ZNFX1: variants seen among roughly 807,000 people sequenced by gnomAD.
ZNFX1 encodes the protein NFX1-type zinc finger-containing protein 1.
ZNFX1 carries 78 observed loss-of-function variants against 179.8 expected under a neutral mutation model. That is an observed-to-expected ratio of 0.43 (90% CI 0.36 to 0.52). ZNFX1 has a LOEUF of 0.52. ZNFX1 is among the 20% of genes least tolerant of loss of function. ZNFX1 has a pLI of 0.00. For synonymous variants in ZNFX1, 848 were observed against 868.5 expected, an observed-to-expected ratio of 0.98 and a Z score of 0.42; for missense variants, 1,927 against 2,386.6, an observed-to-expected ratio of 0.81 and a Z score of 4.01.
chr20:49,267,398 C>G (rs1009746604), intron 3 of ZNFX1, among the ~76,000 whole-genome samples: 1 of 151,886 alleles, frequency 6.6e-6, no homozygotes, highest in African/African-American at 2.4e-5. Flanking sequence ...CACCTGTTTT[C>G]AAGGGATCCT....
chr20:49,275,864 C>G lies in ZNFX1; in HGVS notation c.-25G>C. On this transcript the variant is annotated 5_prime_UTR_variant, in exon 2 of 14. Coordinates refer to ENST00000396105, the MANE Select transcript of ZNFX1 (RefSeq NM_021035.3). ...TGTCTGAGTCACCTGAATTCCTTCA[C>G]GTTACTTTCTGTTATCTGGAAAACT... is the stretch of plus-strand genomic sequence containing the variant. The G allele has an allele frequency of 6.2e-7, 1 of 1,613,372 alleles. No homozygotes were observed. The highest frequency in any genetic ancestry group is 1.1e-5 in the South Asian group (1 of 91,050).
rs149436860 is a variant in ZNFX1 at position 49,248,335 on chromosome 20, C to G, written c.4689G>C (p.Arg1563=). ...LCGEPCPKKC[R]ICHMDEVTQI... ...GGGTGACCTCATCCATGTGGCAGATCCGGCATTTCTTGGGGCATGGCTCCC... is the reference window on the plus strand; with the variant it reads ...GGGTGACCTCATCCATGTGGCAGATGCGGCATTTCTTGGGGCATGGCTCCC... Residue 1563 remains arginine (R), a synonymous_variant, in exon 14 of 14, where the codon CGG becomes CGC. Transcript: ENST00000396105. The surrounding 1 kb of genome is among the most constrained non-coding windows in gnomAD (Gnocchi z 4.6). 6.9e-4 allele frequency: 1,108 copies of G among 1,614,050 alleles called. 11 individuals carry two copies. The highest frequency in any genetic ancestry group is 6.7e-3 in the South Asian group (606 of 91,064).
rs1202472809 is a variant in ZNFX1, at chr20:49,248,153, A to G, written c.4871T>C (p.Val1624Ala). The change falls in exon 14 of 14, where the codon GTG becomes GCG. Residue 1624 changes from valine (V) to alanine (A), a missense_variant. By Grantham distance (64) the Val-to-Ala change is moderately conservative (BLOSUM62 0). Transcript: ENST00000396105. This position sits in a 1 kb window ranked among gnomAD's most constrained non-coding sequence, Gnocchi z 4.6. The part of the protein sequence containing the change: ...IRLKVCPICQ[V>A]PIRKNLRYGT... ...ATACCTCAGGTTTTTGCGGATGGGC[A>G]CCTGGCAGATAGGGCAGACTTTCAA... 1 of 1,614,092 alleles carries G rather than the reference A, an allele frequency of 6.2e-7. No individual in the cohort carries two copies. Among genetic ancestry groups the G allele is most frequent in the African/African-American group, 1.3e-5 (1 of 75,008 alleles).
Position 49,266,285 on chromosome 20 carries a change from G to T in ZNFX1, c.1871-19C>A. On this transcript the variant is annotated intron_variant, in intron 3 of 13. Transcript: ENST00000396105. ...GTTTTGCCTAGAAAATAAGGAAAAA[G>T]GAATTTAACAATTTAGACATTTTCT... The T allele has an allele frequency of 6.4e-7, 1 of 1,565,518 alleles. No individual in the cohort carries two copies. The highest frequency in any genetic ancestry group is 1.2e-5 in the South Asian group (1 of 83,258).
chr20:49,266,327 C>T, intron 3 of ZNFX1, 61 bp from the exon 4 acceptor site: 13 of 1,471,898 alleles, frequency 8.8e-6, no homozygotes, highest in Non-Finnish European at 5.5e-6. Flanking sequence ...AGTAATTACT[C>T]AGAGCAAAAT....
chr20:49,250,500 GAC>G (rs1280816415), intron 13 of ZNFX1, among the ~76,000 whole-genome samples: 1 of 152,140 alleles, frequency 6.6e-6, no homozygotes, highest in Non-Finnish European at 1.5e-5. Context: ...TAAAAAAAGA[GAC>G]AGTCTTGCTA....
intron 6 of ZNFX1, among the ~76,000 whole-genome samples, chr20:49,261,922 A>G (rs922148152): frequency 6.6e-6 from 1 of 151,764 alleles, no homozygotes; most frequent in Admixed American, 6.6e-5. Context: ...CTGGGATTAC[A>G]GGCGTGAGCC....
intron 11 of ZNFX1, among the ~76,000 whole-genome samples, chr20:49,253,279 G>C (rs1165492817): frequency 1.3e-5 from 2 of 152,156 alleles, no homozygotes; most frequent in Non-Finnish European, 2.9e-5. Context: ...CACCACTGGA[G>C]GGTTTTCAGC....
Position 49,249,244 on chromosome 20 carries a change from G to A in ZNFX1, c.3780C>T (p.Leu1260=), listed in dbSNP as rs1980769913. The A allele has an allele frequency of 6.2e-7, 1 of 1,614,236 alleles. No homozygotes were observed. The highest frequency in any genetic ancestry group is 1.1e-5 in the South Asian group (1 of 91,082). Residue 1260 remains leucine, a synonymous_variant, in exon 14 of 14, where the codon CTC becomes CTT. Transcript: ENST00000396105. ...LRENNQIGPM[L]RLCCQNHPET... is the part of the protein sequence containing the mutation. ...CAGGGTGGTTCTGGCAGCAGAGCCG[G>A]AGCATGGGGCCTATTTGATTGTTCT...
Position 49,270,376 on chromosome 20 carries a change from C to T in ZNFX1, c.1436G>A (p.Arg479Gln), listed in dbSNP as rs770833497. Residue 479 changes from arginine (R) to glutamine (Q), a missense_variant, in exon 3 of 14, where the codon CGA becomes CAA. Transcript: ENST00000396105. This position sits in a 1 kb window ranked among gnomAD's most constrained non-coding sequence, Gnocchi z 4.6. Reference sequence around the variant, plus strand: ...ATTGAAGCAGAGCTGGACAATTCCTCGGCAGAGATCTTCCTGCTCCCTGTT... The same window carrying T: ...ATTGAAGCAGAGCTGGACAATTCCTTGGCAGAGATCTTCCTGCTCCCTGTT... ...VSNREQEDLC[R>Q]GIVQLCFNEQ... 10 of 1,614,082 alleles carry T rather than the reference C, an allele frequency of 6.2e-6. No individual in the cohort carries two copies. In the Admixed American group the frequency reaches 1.0e-4, roughly 16 times the overall value.
At chr20:49,264,585 G>T in intron 5 of ZNFX1, 131 bp downstream of exon 5, 1 of 1,157,274 alleles carries the variant, frequency 8.6e-7, no homozygotes, top group Non-Finnish European at 1.2e-6. Context: ...ATAGAATGCT[G>T]AAAGGAACCT....
chr20:49,263,540 G>C, intron 5 of ZNFX1, 57 bp from the exon 6 acceptor site: 3 of 1,544,486 alleles, frequency 1.9e-6, no homozygotes, highest in Admixed American at 2.0e-5. Context: ...CCCAAACTCA[G>C]TCCTCACCTT....
At chr20:49,264,654 C>T in intron 5 of ZNFX1, 62 bp downstream of exon 5, 1 of 1,581,976 alleles carries the variant, frequency 6.3e-7, no homozygotes. Context: ...ACCCAGAAAG[C>T]CACTGCTATC....
Position 49,249,505 on chromosome 20 carries a change from G to T in ZNFX1, c.3519C>A (p.Ala1173=). ...GGACCCTGACGCCAGCAAATGTCTT[G>T]GCAGGCATCAGTTTGCGCAGGCAGA... is the stretch of plus-strand genomic sequence containing the variant. ...QLFCLRKLMP[A]KTFAGVRVHV... Residue 1173 remains alanine, a synonymous_variant, in exon 14 of 14, where the codon GCC becomes GCA. Transcript: ENST00000396105. The T allele has an allele frequency of 2.5e-6, 4 of 1,614,232 alleles. No individual in the cohort carries two copies. The highest frequency in any genetic ancestry group is 3.4e-6 in the Non-Finnish European group (4 of 1,180,040).
intron 2 of ZNFX1, among the ~76,000 whole-genome samples, chr20:49,274,184 GGCT>G (rs1463073298): frequency 2.6e-5 from 4 of 152,156 alleles, no homozygotes; most frequent in Non-Finnish European, 5.9e-5. Context: ...AGCCACATGT[GGCT>G]GCTATGTTTG....
At chr20:49,253,323 A>T (rs560234940) in intron 11 of ZNFX1, among the ~76,000 whole-genome samples, 9 of 150,522 alleles carry the variant, frequency 6.0e-5, no homozygotes, top group South Asian at 4.2e-4. Context: ...CCTTTTTTTT[A>T]AAAAAATTCA....
At position 49,257,433 on chromosome 20, in the gene ZNFX1, G is replaced by A; in HGVS notation, c.2648C>T (p.Ala883Val). ...TGAGTTTACCTGCCACTCTCCTGTGGCTTGCTCCTGTCCAGCTGCTGTCCC... is the reference window on the plus strand; with the variant it reads ...TGAGTTTACCTGCCACTCTCCTGTGACTTGCTCCTGTCCAGCTGCTGTCCC... ...GTGTAAGQEQ[A>V]TGEWQTQRNQ... The change falls in exon 8 of 14, where the codon GCC becomes GTC. Residue 883 changes from alanine to valine, a missense_variant. Physicochemically the swap from Ala to Val is moderately conservative, Grantham distance 64 (BLOSUM62 0). Coordinates refer to ENST00000396105, the MANE Select transcript of ZNFX1 (RefSeq NM_021035.3). 1 of 1,614,100 alleles carries A rather than the reference G, an allele frequency of 6.2e-7. No individual in the cohort carries two copies. The highest frequency in any genetic ancestry group is 1.1e-5 in the South Asian group (1 of 91,082).
Position 49,257,663 on chromosome 20 carries a change from G to A in ZNFX1, c.2418C>T (p.Ala806=), listed in dbSNP as rs377371223. The A allele has an allele frequency of 1.2e-6, 2 of 1,612,940 alleles. No homozygotes were observed. The highest frequency in any genetic ancestry group is 1.3e-5 in the African/African-American group (1 of 74,688). ...CTTCCTCCTCATCCCCTTCTGCCTG[G>A]GCTAAGAGAGAGAAACAGGCAGGAG... ...SVSPAGPENT[A]QAEGDEEEEG... Residue 806 remains alanine, a splice_region_variant and synonymous_variant, in exon 8 of 14, where the codon GCC becomes GCT. Coordinates refer to ENST00000396105, the MANE Select transcript of ZNFX1 (RefSeq NM_021035.3).
chr20:49,262,408 AAAAAAAAAAAAAAGAAG>A (rs1981136441), intron 6 of ZNFX1, among the ~76,000 whole-genome samples: 2 of 94,288 alleles, frequency 2.1e-5, no homozygotes, highest in African/African-American at 7.6e-5. Context: ...ACTCTGTCTC[AAAAAAAAAAAAAAGAAG>A]AAAAAAAAAA....
Sources: gnomAD v4.1 joint callset for allele counts (sites outside exome capture counted in the v4.1 genomes callset) on GRCh38, gnomAD v4.1.1 for gene constraint, Gnocchi (gnomAD v3.1) non-coding constraint, MANE v1.5 for transcripts, NCBI Gene and HGNC (gene_info 2026-07-23, HGNC 2026-07-21) for gene names.